Variants in AK9 observed in about 807,000 individuals in gnomAD.
The protein encoded by AK9 is adenylate kinase domain containing 1.
Under a neutral mutation model 239.6 loss-of-function variants are expected in AK9, and 191 were observed. The observed-to-expected ratio is 0.80, with a 90% CI of 0.71 to 0.90. The LOEUF (loss-of-function observed/expected upper bound fraction) is 0.90. AK9 is among the 40% of genes least tolerant of loss of function. The pLI is 0.00. For missense variants in AK9, 1,995 were observed against 2,214.7 expected (o/e 0.90, Z 1.99); for synonymous variants, 689 against 721.0 (o/e 0.96, Z 0.71).
chr6:109,624,355 GT>G (rs1319556687), intron 12 of AK9, among the ~76,000 whole-genome samples: 10 of 152,212 alleles, frequency 6.6e-5, no homozygotes, highest in African/African-American at 2.4e-4. Flanking sequence ...CACCATCTTG[GT>G]TTAGGCCCCC....
At chr6:109,585,379 A>G in intron 18 of AK9, 142 bp from the exon 19 acceptor site, 1 of 281,316 alleles carries the variant, frequency 3.6e-6, no homozygotes, top group Non-Finnish European at 5.9e-6. Context: ...TAGAGCCCAG[A>G]TTCTTTAAAA....
intron 25 of AK9, among the ~76,000 whole-genome samples, chr6:109,547,024 A>C (rs944896170): frequency 6.6e-6 from 1 of 152,182 alleles, no homozygotes; most frequent in African/African-American, 2.4e-5. Context: ...GTGTAAAACA[A>C]GGCAATAGAT....
intron 12 of AK9, among the ~76,000 whole-genome samples, chr6:109,623,997 G>C (rs1795202606): frequency 6.6e-6 from 1 of 150,604 alleles, no homozygotes; most frequent in Non-Finnish European, 1.5e-5. Flanking sequence ...TATGCTTATG[G>C]AACAATTACT....
At chr6:109,531,497 A>G (rs1369923620) in intron 28 of AK9, among the ~76,000 whole-genome samples, 3 of 152,126 alleles carry the variant, frequency 2.0e-5, no homozygotes, top group Non-Finnish European at 4.4e-5. Context: ...GTCCAGTACA[A>G]CAGCCACTAG....
At position 109,668,224 on chromosome 6, in the gene AK9, C is replaced by T. The variant is rs185448898; in HGVS notation, c.331+3695G>A. 3.3e-3 allele frequency among the ~76,000 whole-genome samples: 506 copies of T among 151,474 alleles called. 4 individuals carry two copies. The highest frequency in any genetic ancestry group is 0.011 in the African/African-American group (461 of 41,348). ...CTTTTGAGAAGTGTCTGTTCATATC[C>T]TTTGCCCACTTTTTGATGGGGTTTT... On this transcript the variant is annotated intron_variant, in intron 5 of 40. Coordinates refer to ENST00000424296, the MANE Select transcript of AK9 (RefSeq NM_001145128.3).
At chr6:109,588,011 G>C (rs897200728) in intron 17 of AK9, among the ~76,000 whole-genome samples, 1 of 151,438 alleles carries the variant, frequency 6.6e-6, no homozygotes, top group African/African-American at 2.4e-5. Flanking sequence ...TTTCATTGTG[G>C]TTTTAATGTA....
chr6:109,534,214 CCTT>C (rs1231908668), intron 27 of AK9, among the ~76,000 whole-genome samples: 1 of 146,712 alleles, frequency 6.8e-6, no homozygotes, highest in Non-Finnish European at 1.5e-5. Flanking sequence ...GAGTGAAACT[CCTT>C]CTCAAAAAAA....
chr6:109,549,664 C>CTTTTTATTT (rs1784067771), intron 25 of AK9: 1 of 122,098 alleles, frequency 8.2e-6, no homozygotes. Flanking sequence ...TAGATATTTT[C>CTTTTTATTT]TTTTTTTTTT....
intron 24 of AK9, among the ~76,000 whole-genome samples, chr6:109,562,962 C>A (rs1342160486): frequency 1.3e-5 from 2 of 151,996 alleles, no homozygotes; most frequent in Non-Finnish European, 2.9e-5. Flanking sequence ...TTTAGCCATC[C>A]CAAAGAAAGG....
At position 109,495,440 on chromosome 6, in the gene AK9, C is replaced by A. The variant is rs765433291; in HGVS notation, c.5316G>T (p.Arg1772Ser). 6.2e-7 allele frequency: 1 copy of A among 1,610,302 alleles called. No homozygotes were observed. Among genetic ancestry groups the A allele is most frequent in the Non-Finnish European group, 8.5e-7 (1 of 1,178,086 alleles). The change falls in exon 39 of 41, where the codon AGG becomes AGT. Residue 1772 changes from arginine to serine, a missense_variant and splice_region_variant. Physicochemically the swap from Arg to Ser is moderately radical, Grantham distance 110 (BLOSUM62 -1). This residue lies in a region of AK9 where 391 missense variants were observed against 456.0 expected (regional missense o/e 0.86). Coordinates refer to ENST00000424296, the MANE Select transcript of AK9 (RefSeq NM_001145128.3). ...ENKEKLQKFLRSPLKYWEQKL... is the reference protein window; with the variant it reads ...ENKEKLQKFLSSPLKYWEQKL... The stretch of plus-strand genomic sequence containing the variant: ...TCTGTTCCCAGTATTTCAGTGGCGA[C>A]CTAAGAACACAAAGTTCATTAGATG...
intron 27 of AK9, among the ~76,000 whole-genome samples, chr6:109,538,372 A>T (rs1299425611): frequency 6.6e-6 from 1 of 151,450 alleles, no homozygotes; most frequent in Admixed American, 6.6e-5. Flanking sequence ...GCCTTCTTTG[A>T]CTCTTTTGAT....
intron 35 of AK9, among the ~76,000 whole-genome samples, chr6:109,503,618 C>T (rs770106685): frequency 7.2e-5 from 11 of 152,060 alleles, no homozygotes; most frequent in Admixed American, 3.3e-4. Flanking sequence ...GATTATCAGG[C>T]GGACGCTGAA....
chr6:109,509,739 C>T (rs1459219534), intron 32 of AK9, among the ~76,000 whole-genome samples: 2 of 151,998 alleles, frequency 1.3e-5, no homozygotes, highest in Non-Finnish European at 2.9e-5. Flanking sequence ...ACCTGACCCA[C>T]GGCTGCAGCT....
At chr6:109,574,934 C>G (rs1787869673) in intron 20 of AK9, among the ~76,000 whole-genome samples, 1 of 152,134 alleles carries the variant, frequency 6.6e-6, no homozygotes, top group Non-Finnish European at 1.5e-5. Flanking sequence ...GTTTAGCTCT[C>G]ACTTATAAGT....
intron 3 of AK9, among the ~76,000 whole-genome samples, chr6:109,672,389 A>C (rs1314690297): frequency 6.6e-6 from 1 of 152,220 alleles, no homozygotes. Flanking sequence ...ACTAAGCTTA[A>C]GAATCTTGGA....
At chr6:109,583,140 C>G (rs1415882693) in intron 19 of AK9, among the ~76,000 whole-genome samples, 1 of 152,126 alleles carries the variant, frequency 6.6e-6, no homozygotes, top group Non-Finnish European at 1.5e-5. Context: ...GGCCTGGAAC[C>G]AAACCTGCAA....
rs779605016 is a variant in AK9, at chr6:109,610,339, A to G, written c.1842+26T>C. The G allele has an allele frequency of 5.4e-5, 83 of 1,548,034 alleles. 1 individual carries two copies. The highest frequency in any genetic ancestry group is 1.7e-4 in the Middle Eastern group (1 of 5,914). On this transcript the variant is annotated intron_variant, in intron 17 of 40. Transcript: ENST00000424296. ...TCTCAGTAATAGTTAAGTCACTGATAAGAATTGCCCAGCTAGATTTTTTAC... is the reference window on the plus strand; with the variant it reads ...TCTCAGTAATAGTTAAGTCACTGATGAGAATTGCCCAGCTAGATTTTTTAC...
chr6:109,502,024 A>G (rs1221957625), intron 35 of AK9, among the ~76,000 whole-genome samples: 1 of 152,162 alleles, frequency 6.6e-6, no homozygotes, highest in Non-Finnish European at 1.5e-5. Context: ...GAATTCCTTC[A>G]CCATATCATC....
At chr6:109,660,929 G>A (rs765522908) in intron 6 of AK9, 1 of 505,058 alleles carries the variant, frequency 2.0e-6, no homozygotes, top group Non-Finnish European at 3.9e-6. Context: ...CTTTAACCAG[G>A]TTTTTGGTAG....
Sources: allele counts gnomAD v4.1 joint callset (sites outside exome capture counted in the v4.1 genomes callset), GRCh38; gene constraint gnomAD v4.1.1; regional missense constraint gnomAD v4.1.1; transcripts MANE v1.5; gene names NCBI Gene and HGNC (gene_info 2026-07-23, HGNC 2026-07-21).